The following ADGRL2 variants were observed in gnomAD, a reference collection of about 807,000 sequenced individuals.
The protein encoded by ADGRL2 is adhesion G protein-coupled receptor L2.
ADGRL2 carries 44 observed loss-of-function variants against 157.4 expected under a neutral mutation model. The observed-to-expected ratio is 0.28, with a 90% CI of 0.22 to 0.36. ADGRL2 has a LOEUF of 0.36. Ranked by LOEUF, ADGRL2 falls within the 10% of genes least tolerant of loss-of-function variation. The probability of loss-of-function intolerance (pLI) is 1.00; values close to 1 mark genes in which losing one functional copy is unlikely to be tolerated. For synonymous variants in ADGRL2, 585 were observed against 624.7 expected, an observed-to-expected ratio of 0.94 and a Z score of 0.95; for missense variants, 1,510 against 1,768.9, an observed-to-expected ratio of 0.85 and a Z score of 2.63.
At chr1:81,634,503 A>G (rs1464166840) in intron 3 of ADGRL2, among the ~76,000 whole-genome samples, 1 of 138,216 alleles carries the variant, frequency 7.2e-6, no homozygotes, top group African/African-American at 2.7e-5. Context: ...GCTTTAAGTT[A>G]GCTATCTTGT....
intron 2 of ADGRL2, among the ~76,000 whole-genome samples, chr1:81,792,916 G>C (rs1408742113): frequency 6.6e-6 from 1 of 152,014 alleles, no homozygotes; most frequent in East Asian, 1.9e-4. Flanking sequence ...TATGAATCTA[G>C]TAATCATTAG....
At position 81,986,992 on chromosome 1, in the gene ADGRL2, A is replaced by G. The variant is rs1184289247; in HGVS notation, c.3600A>G (p.Val1200=). The change falls in exon 22 of 24, where the codon GTA becomes GTG. Residue 1200 remains valine, a synonymous_variant. Coordinates refer to ENST00000686636, the MANE Select transcript of ADGRL2 (RefSeq NM_001366006.2). The part of the protein sequence containing the change: ...PYNTLLAETV[V]CNAPSAPVFN... ...ACACATTGCTCGCTGAAACAGTTGT[A>G]TGTAATGCCCCTTCAGCTCCTGTAT... is the stretch of plus-strand genomic sequence containing the variant. 3.1e-6 allele frequency: 5 copies of G among 1,611,736 alleles called. No individual in the cohort carries two copies. The East Asian group carries it at 8.9e-5, about 29-fold the overall frequency.
intron 1 of ADGRL2, among the ~76,000 whole-genome samples, chr1:81,391,430 A>C (rs1427276152): frequency 6.6e-6 from 1 of 152,306 alleles, no homozygotes; most frequent in Non-Finnish European, 1.5e-5. Context: ...GTGCTTCTCT[A>C]GGCATTTGCA....
At chr1:81,885,633 C>T (rs1309815049) in intron 2 of ADGRL2, among the ~76,000 whole-genome samples, 1 of 152,176 alleles carries the variant, frequency 6.6e-6, no homozygotes, top group African/African-American at 2.4e-5. Context: ...GCTAGTTTCT[C>T]AGTCTCTAAC....
intron 2 of ADGRL2, among the ~76,000 whole-genome samples, chr1:81,528,583 C>T (rs2079523192): frequency 7.1e-6 from 1 of 140,252 alleles, no homozygotes; most frequent in Non-Finnish European, 1.5e-5. Context: ...GGTGGCGGAG[C>T]TTGCAGTGAG....
chr1:81,871,662 G>T (rs1571823445), intron 2 of ADGRL2, among the ~76,000 whole-genome samples: 3 of 152,230 alleles, frequency 2.0e-5, no homozygotes, highest in African/African-American at 7.2e-5. Flanking sequence ...TTGTGGTTTT[G>T]ATTTGCATTT....
intron 1 of ADGRL2, among the ~76,000 whole-genome samples, chr1:81,345,499 T>G (rs1404017781): frequency 1.3e-5 from 2 of 152,074 alleles, no homozygotes; most frequent in Non-Finnish European, 2.9e-5. Context: ...TCAAAGTAAC[T>G]GGAAGATTAA....
rs571560603 is a variant in ADGRL2, at chr1:81,649,930, G to C, written c.-143+68950G>C. Among the ~76,000 whole-genome samples, 3 of 152,070 alleles carry C rather than the reference G, an allele frequency of 2.0e-5. No homozygotes were observed. The South Asian group carries it at 6.2e-4, about 32-fold the overall frequency. ...CTTTCTAAAACTCCTTCCTTAACCA[G>C]GAAATAGGGAGAAAACAGTAGTATC... On this transcript the variant is annotated intron_variant, in intron 3 of 24. Coordinates refer to the ADGRL2 transcript ENST00000370721.
At chr1:81,698,105 A>C (rs1012185578), upstream of ADGRL2, among the ~76,000 whole-genome samples, 1 of 152,166 alleles carries the variant, frequency 6.6e-6, no homozygotes, top group Non-Finnish European at 1.5e-5. Context: ...AATGATAGCC[A>C]TTTTTCAAAT....
chr1:81,386,482 T>G (rs188345945), intron 1 of ADGRL2, among the ~76,000 whole-genome samples: 33 of 152,300 alleles, frequency 2.2e-4, no homozygotes, highest in African/African-American at 7.9e-4. Context: ...CAATACCAGA[T>G]GAATATACTG....
chr1:81,659,719 A>G (rs1400127688), intron 3 of ADGRL2, among the ~76,000 whole-genome samples: 1 of 152,200 alleles, frequency 6.6e-6, no homozygotes, highest in East Asian at 1.9e-4. Context: ...CACCATTACC[A>G]TCTTTATCAC....
intron 1 of ADGRL2, chr1:81,426,859 G>T (rs1207520332): frequency 5.0e-6 from 3 of 595,492 alleles, no homozygotes; most frequent in African/African-American, 3.7e-5. Context: ...TATTAAAGAA[G>T]ATACAGAAGA....
At chr1:81,820,747 AC>A (rs1460690523) in intron 1 of ADGRL2, among the ~76,000 whole-genome samples, 48 of 146,984 alleles carry the variant, frequency 3.3e-4, no homozygotes, top group South Asian at 1.1e-3. Flanking sequence ...AAAAAAAAAA[AC>A]AAAAAACCCC....
chr1:81,341,618 A>G (rs1480235616), intron 1 of ADGRL2, among the ~76,000 whole-genome samples: 3 of 152,108 alleles, frequency 2.0e-5, no homozygotes, highest in Non-Finnish European at 4.4e-5. Context: ...ACAGTTTACT[A>G]TTTATTTCAT....
At chr1:81,958,939 G>C (rs149982328) in intron 11 of ADGRL2, among the ~76,000 whole-genome samples, 1,614 of 152,210 alleles carry the variant, frequency 0.011, 20 homozygotes, top group African/African-American at 0.036. Flanking sequence ...AATATTTTTT[G>C]AAATTTATCC....
At chr1:81,643,406 G>A (rs141907995) in intron 3 of ADGRL2, among the ~76,000 whole-genome samples, 1,765 of 152,194 alleles carry the variant, frequency 0.012, 36 homozygotes, top group African/African-American at 0.04. Context: ...TTGAACTCCT[G>A]GGCTCAAGCA....
intron 1 of ADGRL2, among the ~76,000 whole-genome samples, chr1:81,736,109 G>C (rs1246425867): frequency 3.5e-5 from 5 of 143,986 alleles, no homozygotes; most frequent in African/African-American, 1.0e-4. Context: ...CGCCACTGCA[G>C]TCTAGCCTGG....
intron 1 of ADGRL2, among the ~76,000 whole-genome samples, chr1:81,321,920 G>A (rs867358938): frequency 2.6e-5 from 4 of 151,476 alleles, no homozygotes; most frequent in Non-Finnish European, 5.9e-5. Context: ...GCTGCAAAGC[G>A]CAATAAAATG....
At chr1:81,502,650 C>A (rs998490247) in intron 2 of ADGRL2, 1 of 1,613,874 alleles carries the variant, frequency 6.2e-7, no homozygotes, top group African/African-American at 1.3e-5. Flanking sequence ...GCTGCCTTCA[C>A]CCTCAGCTCA....
Sources: allele counts gnomAD v4.1 joint callset (sites outside exome capture counted in the v4.1 genomes callset), GRCh38; gene constraint gnomAD v4.1.1; transcripts MANE v1.5; gene names NCBI Gene and HGNC (gene_info 2026-07-23, HGNC 2026-07-21).